The following ANAPC10 variants were observed in gnomAD, a reference collection of about 807,000 sequenced individuals.
ANAPC10 encodes the protein anaphase-promoting complex subunit 10.
In ANAPC10, 12 loss-of-function variants were observed where a neutral mutation model predicts 22.0. The ratio of observed to expected loss-of-function variants is 0.55; its 90% confidence interval spans 0.35 to 0.88. ANAPC10 has a LOEUF of 0.88. ANAPC10 is among the 40% of genes least tolerant of loss of function. ANAPC10 has a pLI of 0.01. For synonymous variants in ANAPC10, 65 were observed against 69.5 expected (o/e 0.94, Z 0.32); for missense variants, 188 against 220.9 (o/e 0.85, Z 0.94).
intron 4 of ANAPC10, among the ~76,000 whole-genome samples, chr4:145,044,231 T>A (rs149350411): frequency 6.6e-6 from 1 of 152,152 alleles, no homozygotes; most frequent in South Asian, 2.1e-4. Flanking sequence ...ATTATAGCAA[T>A]GTGTTTGACA....
At position 145,023,416 on chromosome 4, in the gene ANAPC10, C is replaced by T. The variant is rs764821964; in HGVS notation, c.328-27813G>A. Among the ~76,000 whole-genome samples the T allele has an allele frequency of 3.1e-4, 47 of 152,080 alleles. 1 individual carries two copies. The highest frequency in any genetic ancestry group is 9.2e-4 in the Admixed American group (14 of 15,238). ...AGCTTTATCTTGAACAGTCCTTTGC[C>T]TCACTAACTATATTTTACCTATATA... On this transcript the variant is annotated intron_variant, in intron 4 of 4. Coordinates refer to ENST00000507656, the MANE Select transcript of ANAPC10 (RefSeq NM_001256706.2).
intron 4 of ANAPC10, among the ~76,000 whole-genome samples, chr4:145,025,914 C>T (rs1578950112): frequency 6.6e-6 from 1 of 152,136 alleles, no homozygotes; most frequent in Non-Finnish European, 1.5e-5. Flanking sequence ...TTGATGGTTT[C>T]CTTTCCCACT....
At chr4:145,003,070 G>A (rs562391798) in intron 4 of ANAPC10, among the ~76,000 whole-genome samples, 177 of 152,154 alleles carry the variant, frequency 1.2e-3, no homozygotes, top group African/African-American at 3.9e-3. Flanking sequence ...TTGTGTCCAT[G>A]TGTATTCAAT....
chr4:145,024,526 A>T (rs1245493708), intron 4 of ANAPC10, among the ~76,000 whole-genome samples: 1 of 152,218 alleles, frequency 6.6e-6, no homozygotes, highest in Non-Finnish European at 1.5e-5. Flanking sequence ...TTCCTTGTAC[A>T]TCTCCATCAA....
intron 4 of ANAPC10, among the ~76,000 whole-genome samples, chr4:145,052,190 T>C (rs1741206667): frequency 6.6e-6 from 1 of 152,164 alleles, no homozygotes; most frequent in Non-Finnish European, 1.5e-5. Flanking sequence ...TCATCTACTG[T>C]GCATCACTAT....
intron 4 of ANAPC10, among the ~76,000 whole-genome samples, chr4:145,026,951 G>GTA (rs1736782037): frequency 5.4e-5 from 1 of 18,552 alleles, no homozygotes; most frequent in Non-Finnish European, 1.0e-4. Context: ...ATATATGTGT[G>GTA]TGTGTGTATA....
chr4:145,043,809 C>T (rs991278289), intron 4 of ANAPC10, among the ~76,000 whole-genome samples: 1 of 152,052 alleles, frequency 6.6e-6, no homozygotes, highest in African/African-American at 2.4e-5. Context: ...CTGGAGGATC[C>T]ATATTACCTA....
At chr4:145,061,507 C>G (rs1379686039) in intron 4 of ANAPC10, among the ~76,000 whole-genome samples, 2 of 152,032 alleles carry the variant, frequency 1.3e-5, no homozygotes, top group Non-Finnish European at 2.9e-5. Flanking sequence ...GGCTACGAAA[C>G]TAGAAAATAA....
intron 2 of ANAPC10, among the ~76,000 whole-genome samples, chr4:145,095,105 T>C (rs76505278): frequency 0.073 from 11,153 of 152,148 alleles, 530 homozygotes; most frequent in Middle Eastern, 0.16. Context: ...GACAGAGATA[T>C]ATGATAAAAA....
intron 4 of ANAPC10, among the ~76,000 whole-genome samples, chr4:145,052,134 G>A (rs1014449744): frequency 1.3e-5 from 2 of 152,102 alleles, no homozygotes; most frequent in African/African-American, 2.4e-5. Flanking sequence ...GGAGATGTTG[G>A]TCGAAGGACA....
intron 4 of ANAPC10, among the ~76,000 whole-genome samples, chr4:145,018,868 G>A (rs1055987870): frequency 1.1e-4 from 17 of 152,070 alleles, no homozygotes; most frequent in African/African-American, 3.9e-4. Context: ...ATTAAATAAT[G>A]GTAAAAGGCC....
intron 4 of ANAPC10, 105 bp downstream of exon 4, chr4:145,064,467 T>C (rs567515853): frequency 3.0e-5 from 26 of 873,970 alleles, no homozygotes; most frequent in Middle Eastern, 3.9e-4. Flanking sequence ...TATTTTTCTC[T>C]TATATATTAA....
rs113157237 is a variant in ANAPC10 at position 145,028,503 on chromosome 4, T to C, written c.328-32900A>G. Among the ~76,000 whole-genome samples, 36 of 152,168 alleles carry C rather than the reference T, an allele frequency of 2.4e-4. 1 individual carries two copies. Among genetic ancestry groups the C allele is most frequent in the African/African-American group, 8.4e-4 (35 of 41,522 alleles). On this transcript the variant is annotated intron_variant, in intron 4 of 4. Coordinates refer to ENST00000507656, the MANE Select transcript of ANAPC10 (RefSeq NM_001256706.2). ...ACATATCTCCCATTAGCTCTTTCCC[T>C]CAAAAAGAACCATGACTAATACAGC...
chr4:145,014,404 AC>A (rs930858007), intron 4 of ANAPC10, among the ~76,000 whole-genome samples: 16 of 151,514 alleles, frequency 1.1e-4, no homozygotes, highest in African/African-American at 3.6e-4. Flanking sequence ...TGGGAACCTC[AC>A]CCCTATCCCC....
At chr4:145,052,413 T>C (rs1741252177) in intron 4 of ANAPC10, among the ~76,000 whole-genome samples, 1 of 152,146 alleles carries the variant, frequency 6.6e-6, no homozygotes, top group Non-Finnish European at 1.5e-5. Flanking sequence ...ATTTAAAAAT[T>C]AGTAAAATAA....
chr4:145,018,719 G>C (rs1445268360), intron 4 of ANAPC10, among the ~76,000 whole-genome samples: 1 of 151,838 alleles, frequency 6.6e-6, no homozygotes, highest in African/African-American at 2.4e-5. Context: ...AACACACAAG[G>C]AATCATATAA....
chr4:145,092,166 G>A (rs1380210581), intron 2 of ANAPC10, among the ~76,000 whole-genome samples: 1 of 152,112 alleles, frequency 6.6e-6, no homozygotes, highest in Non-Finnish European at 1.5e-5. Context: ...GGCCTGTCAG[G>A]ATGGGGTAGG....
intron 4 of ANAPC10, among the ~76,000 whole-genome samples, chr4:145,053,936 GTC>G (rs1167250428): frequency 1.3e-5 from 2 of 151,500 alleles, no homozygotes; most frequent in Non-Finnish European, 1.5e-5. Context: ...TTTAGATGAA[GTC>G]TCTCTCTGTC....
At chr4:145,051,837 A>G (rs1050166061) in intron 4 of ANAPC10, among the ~76,000 whole-genome samples, 2 of 152,156 alleles carry the variant, frequency 1.3e-5, no homozygotes, top group Admixed American at 6.5e-5. Flanking sequence ...GAATATTATA[A>G]TTTTCCTGAA....
Sources: allele counts gnomAD v4.1 joint callset (sites outside exome capture counted in the v4.1 genomes callset), GRCh38; gene constraint gnomAD v4.1.1; transcripts MANE v1.5; gene names NCBI Gene and HGNC (gene_info 2026-07-23, HGNC 2026-07-21).